NT5C2: variants seen among roughly 807,000 people sequenced by gnomAD.
The protein encoded by NT5C2 is 5'-nucleotidase, cytosolic II.
A neutral mutation model predicts 76.1 loss-of-function variants in NT5C2; 58 were observed. The observed-to-expected ratio is 0.76, with a 90% confidence interval of 0.62 to 0.95. The LOEUF (loss-of-function observed/expected upper bound fraction) is 0.95. Among genes scored for constraint, NT5C2 ranks in the 40% least tolerant of loss-of-function variants. NT5C2 has a pLI of 0.00. For missense variants in NT5C2, 478 were observed against 690.3 expected (o/e 0.69, Z 3.45); for synonymous variants, 229 against 237.4 (o/e 0.96, Z 0.32).
intron 3 of NT5C2, among the ~76,000 whole-genome samples, chr10:103,164,831 T>C (rs552766229): frequency 6.6e-6 from 1 of 152,364 alleles, no homozygotes; most frequent in East Asian, 1.9e-4. Flanking sequence ...ATCTCAGATC[T>C]GCTTTTATTC....
chr10:103,112,899 T>TA (rs1174359051), intron 4 of NT5C2, among the ~76,000 whole-genome samples: 1 of 152,200 alleles, frequency 6.6e-6, no homozygotes, highest in Non-Finnish European at 1.5e-5. Context: ...TGAGAAAATT[T>TA]TAAGTGAGAT....
intron 4 of NT5C2, among the ~76,000 whole-genome samples, chr10:103,115,574 A>G (rs541796350): frequency 6.6e-6 from 1 of 152,318 alleles, no homozygotes; most frequent in Admixed American, 6.5e-5. Flanking sequence ...AACACTAGTA[A>G]TTGATTCTTT....
intron 6 of NT5C2, among the ~76,000 whole-genome samples, chr10:103,104,463 T>G (rs1277870590): frequency 6.6e-6 from 1 of 152,226 alleles, no homozygotes; most frequent in Non-Finnish European, 1.5e-5. Context: ...GATGACAATA[T>G]CTGTGTATAA....
intron 4 of NT5C2, among the ~76,000 whole-genome samples, chr10:103,138,729 C>T (rs368394148): frequency 2.3e-4 from 35 of 152,270 alleles, no homozygotes; most frequent in South Asian, 1.9e-3. Flanking sequence ...ACATACTGTC[C>T]GGGTGCAGTG....
chr10:103,155,398 C>A (rs1471052674), intron 3 of NT5C2, among the ~76,000 whole-genome samples: 1 of 152,118 alleles, frequency 6.6e-6, no homozygotes, highest in Non-Finnish European at 1.5e-5. Flanking sequence ...TAAAAGATTA[C>A]AAAATTAAAA....
At chr10:103,168,148 A>G (rs2086870242) in intron 3 of NT5C2, among the ~76,000 whole-genome samples, 1 of 151,972 alleles carries the variant, frequency 6.6e-6, no homozygotes, top group East Asian at 1.9e-4. Flanking sequence ...ATAAATATAC[A>G]AAAGTCTTTA....
chr10:103,093,347 A>G (rs765373010), intron 14 of NT5C2, 38 bp from the exon 15 acceptor site: 8 of 1,490,618 alleles, frequency 5.4e-6, no homozygotes, highest in African/African-American at 1.4e-5. Flanking sequence ...AACTGTCCCT[A>G]TATTAAAATC....
chr10:103,106,756 A>G (rs2071390321), intron 4 of NT5C2, 50 bp from the exon 5 acceptor site: 1 of 1,063,686 alleles, frequency 9.4e-7, no homozygotes, highest in South Asian at 1.3e-5. Flanking sequence ...CAGCCAATTA[A>G]AACAGAATGC....
rs1141095 is a variant in NT5C2 at position 103,193,250 on chromosome 10, C to G, written c.-183G>C. 123,607 of 151,470 alleles carry G rather than the reference C, an allele frequency of 0.82. 51,112 individuals carry two copies. Among genetic ancestry groups the G allele is most frequent in the African/African-American group, 0.95 (39,208 of 41,298 alleles). 9.4% of individuals were successfully genotyped at this position (151,470 alleles called of 1,614,324 possible). On this transcript the variant is annotated 5_prime_UTR_variant, in exon 1 of 19. Coordinates refer to ENST00000404739, the MANE Select transcript of NT5C2 (RefSeq NM_001351169.2). ...GCCGCACTCACCGGCTCCAGCGCAC[C>G]GCAACAATCCCAGCGCGCAACTGCC...
In NT5C2 at chr10:103,174,639, CAA is replaced by C. The variant is rs35243673; in HGVS notation, c.101+217_101+218del. ...AACTTAGGTGCAATTTTCTAGCAAC[CAA>C]AGACATTTTTCTCTTAAATACTTTT... On this transcript the variant is annotated intron_variant, in intron 3 of 18. Transcript: ENST00000404739. Among the ~76,000 whole-genome samples the C allele has an allele frequency of 0.29, 43,629 of 151,946 alleles. 6,445 individuals are homozygous for C. Among genetic ancestry groups the C allele is most frequent in the Middle Eastern group, 0.34 (100 of 294 alleles).
At chr10:103,145,923 TAAG>T (rs967703207) in intron 3 of NT5C2, 2 of 274,678 alleles carry the variant, frequency 7.3e-6, no homozygotes, top group African/African-American at 4.6e-5. Flanking sequence ...GCTTTAGAAA[TAAG>T]AATATTCTCA....
At chr10:103,163,556 A>G (rs907180907) in intron 3 of NT5C2, among the ~76,000 whole-genome samples, 1 of 152,108 alleles carries the variant, frequency 6.6e-6, no homozygotes, top group Non-Finnish European at 1.5e-5. Context: ...TCATCTGTAT[A>G]TATCTTCTTA....
intron 3 of NT5C2, among the ~76,000 whole-genome samples, chr10:103,161,798 A>G (rs530231673): frequency 2.3e-3 from 357 of 152,312 alleles, no homozygotes; most frequent in African/African-American, 7.5e-3. Flanking sequence ...CATAAACTGT[A>G]TAAGTTCATT....
chr10:103,158,472 C>T (rs768903166), intron 3 of NT5C2, among the ~76,000 whole-genome samples: 1 of 151,944 alleles, frequency 6.6e-6, no homozygotes, highest in Admixed American at 6.6e-5. Context: ...ACAAAATTGA[C>T]ATTTAGCTAG....
intron 3 of NT5C2, among the ~76,000 whole-genome samples, chr10:103,166,620 CAAACAAA>C (rs1416719744): frequency 6.6e-6 from 1 of 152,048 alleles, no homozygotes; most frequent in Admixed American, 6.6e-5. Context: ...AACAAACAAA[CAAACAAA>C]AAACAGAGTT....
chr10:103,097,882 C>G (rs1325959178), intron 10 of NT5C2: 1 of 393,282 alleles, frequency 2.5e-6, no homozygotes, highest in Non-Finnish European at 4.9e-6. Flanking sequence ...TGAGGAAATT[C>G]TAACCCCTCA....
intron 4 of NT5C2, among the ~76,000 whole-genome samples, chr10:103,131,184 A>G (rs2078105259): frequency 6.6e-6 from 1 of 152,332 alleles, no homozygotes; most frequent in East Asian, 1.9e-4. Flanking sequence ...CAGAAGCATC[A>G]ATCCTAGGAT....
chr10:103,138,746 G>A (rs1374435964), intron 4 of NT5C2, among the ~76,000 whole-genome samples: 5 of 152,176 alleles, frequency 3.3e-5, no homozygotes, highest in African/African-American at 9.7e-5. Flanking sequence ...AGTGGCTCAC[G>A]CCTGTAAACC....
intron 3 of NT5C2, among the ~76,000 whole-genome samples, chr10:103,154,798 G>A (rs936507632): frequency 3.9e-5 from 6 of 152,146 alleles, no homozygotes; most frequent in Non-Finnish European, 7.4e-5. Flanking sequence ...GATTTCCATT[G>A]ACTATCCTCA....
Sources: gnomAD v4.1 joint callset for allele counts (sites outside exome capture counted in the v4.1 genomes callset) on GRCh38, gnomAD v4.1.1 for gene constraint, MANE v1.5 for transcripts, NCBI Gene and HGNC (gene_info 2026-07-23, HGNC 2026-07-21) for gene names.